Variants in SRGAP3 observed in about 807,000 individuals in gnomAD.
SRGAP3 encodes SLIT-ROBO Rho GTPase-activating protein 3.
A neutral mutation model predicts 121.1 loss-of-function variants in SRGAP3; 39 were observed. The ratio of observed to expected loss-of-function variants is 0.32; its 90% confidence interval spans 0.25 to 0.42. The LOEUF is 0.42. SRGAP3 is among the 10% of genes least tolerant of loss of function. The probability of loss-of-function intolerance (pLI) is 1.00; values close to 1 mark genes in which losing one functional copy is unlikely to be tolerated. For missense variants in SRGAP3, 1,213 were observed against 1,470.6 expected (o/e 0.82, Z 2.86); for synonymous variants, 601 against 570.0 (o/e 1.05, Z -0.77).
At chr3:9,027,866 G>A (rs529379773) in intron 12 of SRGAP3, among the ~76,000 whole-genome samples, 72 of 152,330 alleles carry the variant, frequency 4.7e-4, no homozygotes, top group African/African-American at 1.7e-3. Context: ...CTCACAACGT[G>A]AGTAAACCAT....
chr3:9,359,541 A>G (rs1173756261), intron 1 of SRGAP3, among the ~76,000 whole-genome samples: 1 of 152,230 alleles, frequency 6.6e-6, no homozygotes, highest in Non-Finnish European at 1.5e-5. Context: ...CTCTAAACCC[A>G]GCAAGGTCTG....
intron 3 of SRGAP3, among the ~76,000 whole-genome samples, chr3:9,313,955 T>C (rs181653102): frequency 6.6e-6 from 1 of 152,356 alleles, no homozygotes; most frequent in Non-Finnish European, 1.5e-5. Flanking sequence ...ATCGTGCCAC[T>C]GCACTCCAGG....
intron 14 of SRGAP3, among the ~76,000 whole-genome samples, chr3:9,022,924 G>A (rs1364449243): frequency 6.6e-6 from 1 of 152,226 alleles, no homozygotes; most frequent in Non-Finnish European, 1.5e-5. Context: ...GCAACCCAAG[G>A]CTTGTTAGGA....
At chr3:9,026,863 T>C (rs1034857535) in intron 13 of SRGAP3, 72 bp downstream of exon 13, 4 of 1,543,808 alleles carry the variant, frequency 2.6e-6, no homozygotes, top group African/African-American at 2.7e-5. Context: ...AATTAGAATC[T>C]CATTTCCTAT....
At chr3:9,233,524 T>C (rs1281971386) in intron 1 of SRGAP3, among the ~76,000 whole-genome samples, 1 of 152,204 alleles carries the variant, frequency 6.6e-6, no homozygotes, top group African/African-American at 2.4e-5. Flanking sequence ...ACCACTTTTA[T>C]CTTTTACACC....
intron 1 of SRGAP3, among the ~76,000 whole-genome samples, chr3:9,180,120 G>GA (rs1951326907): frequency 6.6e-6 from 1 of 152,282 alleles, no homozygotes; most frequent in African/African-American, 2.4e-5. Context: ...GGGAGGGACA[G>GA]AATGGCTTCT....
chr3:8,990,036 A>C (rs1005221522), intron 21 of SRGAP3, among the ~76,000 whole-genome samples: 3 of 152,240 alleles, frequency 2.0e-5, no homozygotes, highest in African/African-American at 7.2e-5. Context: ...TTTCTTCTCT[A>C]AACTGTAAGC....
intron 1 of SRGAP3, 56 bp from the exon 2 acceptor site, chr3:9,124,973 G>T: frequency 6.2e-7 from 1 of 1,601,988 alleles, no homozygotes; most frequent in Non-Finnish European, 8.5e-7. Context: ...GGGGCACTGG[G>T]GCCCGCTCTG....
chr3:9,361,933 T>A (rs1251497171), intron 1 of SRGAP3, among the ~76,000 whole-genome samples: 3 of 152,162 alleles, frequency 2.0e-5, no homozygotes, highest in Non-Finnish European at 4.4e-5. Flanking sequence ...CACCATTTTT[T>A]AAACATGGGA....
chr3:9,233,191 A>G (rs1953279959), intron 1 of SRGAP3, among the ~76,000 whole-genome samples: 1 of 152,208 alleles, frequency 6.6e-6, no homozygotes, highest in Non-Finnish European at 1.5e-5. Context: ...GTGAGGTGTT[A>G]TTATGTCCCT....
At chr3:9,149,381 G>A (rs1950136242) in intron 1 of SRGAP3, among the ~76,000 whole-genome samples, 1 of 152,148 alleles carries the variant, frequency 6.6e-6, no homozygotes, top group South Asian at 2.1e-4. Flanking sequence ...GATGTCCCAT[G>A]AGGCAGGTTA....
intron 8 of SRGAP3, 137 bp downstream of exon 8, chr3:9,056,096 G>A: frequency 1.3e-6 from 1 of 751,694 alleles, no homozygotes. Flanking sequence ...TGGTGTGTGT[G>A]GTTTTAATGA....
At chr3:9,107,791 C>T (rs184672909) in intron 2 of SRGAP3, among the ~76,000 whole-genome samples, 171 of 152,356 alleles carry the variant, frequency 1.1e-3, no homozygotes, top group Non-Finnish European at 1.9e-3. Flanking sequence ...TTCCATCCCT[C>T]CCCCTCACCC....
intron 3 of SRGAP3, among the ~76,000 whole-genome samples, chr3:9,264,580 GACAA>G (rs1234412279): frequency 1.6e-4 from 24 of 152,052 alleles, no homozygotes; most frequent in East Asian, 3.8e-4. Context: ...ACCAATAACA[GACAA>G]ACAAAGAACC....
chr3:9,237,299 C>T (rs563577765), intron 1 of SRGAP3, among the ~76,000 whole-genome samples: 1 of 152,254 alleles, frequency 6.6e-6, no homozygotes, highest in South Asian at 2.1e-4. Flanking sequence ...ATTGTCACAA[C>T]TGGGAGCGGG....
intron 3 of SRGAP3, among the ~76,000 whole-genome samples, chr3:9,260,880 C>T (rs561787544): frequency 6.6e-6 from 1 of 152,230 alleles, no homozygotes; most frequent in Admixed American, 6.5e-5. Context: ...TCAAGCGGAT[C>T]CCTGACCCCC....
rs529540372 is a variant in SRGAP3 at position 9,028,272 on chromosome 3, T to C, written c.1540-1277A>G. ...CAGCCAGCCAAGGTCCTGGGGAGCC[T>C]GCCAAACAGCCGGCCTGTGGGGAGA... On this transcript the variant is annotated intron_variant, in intron 12 of 21. Coordinates refer to ENST00000383836, the MANE Select transcript of SRGAP3 (RefSeq NM_014850.4). 2.6e-5 allele frequency: 31 copies of C among 1,193,348 alleles called. No individual in the cohort carries two copies. In the African/African-American group the frequency reaches 3.6e-4, roughly 14 times the overall value. 73.9% of individuals were successfully genotyped at this position (1,193,348 alleles called of 1,614,324 possible). A position where few individuals can be genotyped will look rare whatever the true frequency, so the allele number is the denominator to read the frequency against.
chr3:9,158,595 C>T (rs867615735), intron 1 of SRGAP3, among the ~76,000 whole-genome samples: 1 of 152,172 alleles, frequency 6.6e-6, no homozygotes, highest in Non-Finnish European at 1.5e-5. Context: ...CCTGCAGGTC[C>T]CACAGGCAGA....
At chr3:9,046,766 C>T (rs1450887310) in intron 10 of SRGAP3, among the ~76,000 whole-genome samples, 1 of 152,158 alleles carries the variant, frequency 6.6e-6, no homozygotes, top group Non-Finnish European at 1.5e-5. Context: ...GCCCCTCTAT[C>T]ACTTTGCCTT....
Sources: allele counts gnomAD v4.1 joint callset (sites outside exome capture counted in the v4.1 genomes callset), GRCh38; gene constraint gnomAD v4.1.1; transcripts MANE v1.5; gene names NCBI Gene and HGNC (gene_info 2026-07-23, HGNC 2026-07-21).